Variants in CDC42BPB observed in about 807,000 individuals in gnomAD.
CDC42BPB encodes the protein serine/threonine-protein kinase MRCK beta.
A neutral mutation model predicts 214.9 loss-of-function variants in CDC42BPB; 37 were observed. The observed-to-expected ratio is 0.17, with a 90% CI of 0.13 to 0.23. The LOEUF (loss-of-function observed/expected upper bound fraction) is 0.23, where lower values mean the gene tolerates loss of function less well. Among genes scored for constraint, CDC42BPB ranks in the 10% least tolerant of loss-of-function variants. The pLI is 1.00. For synonymous variants in CDC42BPB, 931 were observed against 884.0 expected, an observed-to-expected ratio of 1.05 and a Z score of -0.94; for missense variants, 1,694 against 2,227.0, an observed-to-expected ratio of 0.76 and a Z score of 4.82.
intron 3 of CDC42BPB, among the ~76,000 whole-genome samples, chr14:103,005,573 G>C (rs1184360573): frequency 3.3e-5 from 5 of 152,028 alleles, no homozygotes; most frequent in Admixed American, 1.3e-4. Flanking sequence ...AGCCGGGTGT[G>C]GTGTCACCCG....
At chr14:102,951,128 T>C (rs982185338) in intron 24 of CDC42BPB, among the ~76,000 whole-genome samples, 1 of 152,184 alleles carries the variant, frequency 6.6e-6, no homozygotes, top group East Asian at 1.9e-4. Flanking sequence ...AAAGGGCCCA[T>C]GGCAGAAGCC....
At chr14:103,007,595 GACCGCAGGGCTGAGCAGCCTAGAGCC>G (rs1255845990) in intron 3 of CDC42BPB, among the ~76,000 whole-genome samples, 1 of 152,232 alleles carries the variant, frequency 6.6e-6, no homozygotes, top group Non-Finnish European at 1.5e-5. Flanking sequence ...AGCAAGCGCT[GACCGCAGGGCTGAGCAGCCTAGAGCC>G]ACCGCAGCGC....
chr14:102,969,502 C>T (rs535188846), intron 14 of CDC42BPB, among the ~76,000 whole-genome samples: 1 of 152,368 alleles, frequency 6.6e-6, no homozygotes, highest in Non-Finnish European at 1.5e-5. Context: ...CAGCCAAGCC[C>T]GCTGCCAGGG....
chr14:102,945,586 C>G (rs1308696396), intron 29 of CDC42BPB, 76 bp downstream of exon 29: 8 of 1,313,586 alleles, frequency 6.1e-6, no homozygotes, highest in African/African-American at 4.4e-5. Context: ...CCCTTAGGAG[C>G]TACTGACCCT....
intron 1 of CDC42BPB, among the ~76,000 whole-genome samples, chr14:103,040,958 G>T (rs923002124): frequency 6.6e-6 from 1 of 152,158 alleles, no homozygotes; most frequent in Non-Finnish European, 1.5e-5. Context: ...AAAGAACTTA[G>T]AAAGAATTGT....
At chr14:102,991,958 T>C (rs1305311903) in intron 5 of CDC42BPB, among the ~76,000 whole-genome samples, 1 of 152,238 alleles carries the variant, frequency 6.6e-6, no homozygotes, top group Admixed American at 6.5e-5. Flanking sequence ...CAAATTAATG[T>C]AAATTACATA....
At chr14:103,044,520 C>T (rs901345116) in intron 1 of CDC42BPB, among the ~76,000 whole-genome samples, 2 of 152,126 alleles carry the variant, frequency 1.3e-5, no homozygotes, top group African/African-American at 4.8e-5. Flanking sequence ...CAGGCGCCCG[C>T]CACCATGCCC....
chr14:103,019,908 C>A (rs1385624102), intron 1 of CDC42BPB, among the ~76,000 whole-genome samples: 1 of 152,178 alleles, frequency 6.6e-6, no homozygotes, highest in African/African-American at 2.4e-5. Context: ...ATAGGAAAAG[C>A]TTTGCCAAGA....
intron 7 of CDC42BPB, 30 bp downstream of exon 7, chr14:102,983,526 C>CAAA (rs36061149): frequency 1.6e-4 from 244 of 1,511,960 alleles, no homozygotes; most frequent in African/African-American, 1.1e-3. Flanking sequence ...AGCCAGGTAC[C>CAAA]AAAAAAAAAA....
intron 8 of CDC42BPB, among the ~76,000 whole-genome samples, chr14:102,979,274 CGT>C (rs1333785870): frequency 6.7e-6 from 1 of 149,898 alleles, no homozygotes; most frequent in Non-Finnish European, 1.5e-5. Context: ...AGTGCAGTGG[CGT>C]ATTCTCAGGC....
Position 102,968,692 on chromosome 14 carries a change from C to G in CDC42BPB, c.2020G>C (p.Gly674Arg). 6.2e-7 allele frequency: 1 copy of G among 1,614,056 alleles called. No homozygotes were observed. The highest frequency in any genetic ancestry group is 8.5e-7 in the Non-Finnish European group (1 of 1,180,034). ...LKVKQGGRGA[G>R]ATLEHQQEIS... The stretch of plus-strand genomic sequence containing the variant: ...TCTTGCTGGTGCTCTAAGGTGGCAC[C>G]CGCTCCCCGGCCTCCTTGCTTCACC... Residue 674 changes from glycine to arginine, a missense_variant, in exon 15 of 37, where the codon GGT becomes CGT. By Grantham distance (125) the Gly-to-Arg change is moderately radical. Coordinates refer to ENST00000361246, the MANE Select transcript of CDC42BPB (RefSeq NM_006035.4).
chr14:102,950,430 G>T, intron 25 of CDC42BPB, 36 bp downstream of exon 25: 1 of 1,609,452 alleles, frequency 6.2e-7, no homozygotes, highest in Non-Finnish European at 8.5e-7. Context: ...CACCTCACAG[G>T]CACCGAGGGC....
Position 102,940,345 on chromosome 14 carries a change from C to T in CDC42BPB, c.4409-21G>A, listed in dbSNP as rs551547055. On this transcript the variant is annotated intron_variant, in intron 30 of 36. Transcript: ENST00000361246. ...GCAACCTAGCGCAGACGGAGCAGGGCGGGGTGAGCCACAGTGGCTCAGGAA... is the reference window on the plus strand; with the variant it reads ...GCAACCTAGCGCAGACGGAGCAGGGTGGGGTGAGCCACAGTGGCTCAGGAA... 56 of 1,554,122 alleles carry T rather than the reference C, an allele frequency of 3.6e-5. No homozygotes were observed. The East Asian group carries it at 5.3e-4, about 15-fold the overall frequency.
At chr14:102,990,357 C>T (rs543336084) in intron 5 of CDC42BPB, among the ~76,000 whole-genome samples, 6 of 152,248 alleles carry the variant, frequency 3.9e-5, no homozygotes, top group South Asian at 4.1e-4. Flanking sequence ...CAAACAAACC[C>T]GGAATGCCTG....
At chr14:102,961,450 T>A (rs1264934119) in intron 20 of CDC42BPB, among the ~76,000 whole-genome samples, 1 of 151,660 alleles carries the variant, frequency 6.6e-6, no homozygotes, top group Non-Finnish European at 1.5e-5. Context: ...TTCTCCTGCC[T>A]CAGCCTCCTG....
chr14:102,956,603 G>A (rs1195186517), intron 21 of CDC42BPB: 1 of 155,566 alleles, frequency 6.4e-6, no homozygotes, highest in Admixed American at 6.5e-5. Context: ...GCCAAGGCGG[G>A]CAGATCACCT....
At chr14:102,962,051 A>ATTT (rs1480169050) in intron 20 of CDC42BPB, among the ~76,000 whole-genome samples, 131 of 152,366 alleles carry the variant, frequency 8.6e-4, no homozygotes, top group Non-Finnish European at 1.5e-3. Flanking sequence ...TCCCTCAAAC[A>ATTT]TATAAAAAGA....
At chr14:103,013,217 C>T (rs896648155) in intron 1 of CDC42BPB, among the ~76,000 whole-genome samples, 10 of 152,204 alleles carry the variant, frequency 6.6e-5, no homozygotes, top group African/African-American at 2.4e-4. Context: ...TGCCTGCACG[C>T]AGGAGCCACG....
Position 103,057,223 on chromosome 14 carries a change from G to A in CDC42BPB, c.-50C>T, listed in dbSNP as rs1889038245. The A allele has an allele frequency of 1.6e-6, 2 of 1,281,412 alleles. No homozygotes were observed. The highest frequency in any genetic ancestry group is 2.9e-4 in the Middle Eastern group (1 of 3,420). The allele number at this position is 1,281,412 out of a possible 1,614,324, so 79.4% of individuals were successfully genotyped here. A position where few individuals can be genotyped will look rare whatever the true frequency, so the allele number is the denominator to read the frequency against. On this transcript the variant is annotated 5_prime_UTR_variant, in exon 1 of 37. Transcript: ENST00000361246. ...GCGCCGGCCTCTCACCGCCGGCTCG[G>A]CCAGTCCGTCAGGGCGCGCCCTCGG... is the stretch of plus-strand genomic sequence containing the variant.
Sources: allele counts gnomAD v4.1 joint callset (sites outside exome capture counted in the v4.1 genomes callset), GRCh38; gene constraint gnomAD v4.1.1; transcripts MANE v1.5; gene names NCBI Gene and HGNC (gene_info 2026-07-23, HGNC 2026-07-21).